Variants in PLEKHD1 observed in about 807,000 individuals in gnomAD.
PLEKHD1 encodes pleckstrin homology domain-containing family D member 1.
A neutral mutation model predicts 69.2 loss-of-function variants in PLEKHD1; 51 were observed. The ratio of observed to expected loss-of-function variants is 0.74; its 90% CI spans 0.59 to 0.93. The LOEUF is 0.93. Among genes scored for constraint, PLEKHD1 ranks in the 40% least tolerant of loss-of-function variants. The probability of loss-of-function intolerance (pLI) is 0.00; values close to 1 mark genes in which losing one functional copy is unlikely to be tolerated. For missense variants in PLEKHD1, 584 were observed against 641.0 expected, an observed-to-expected ratio of 0.91 and a Z score of 0.96; for synonymous variants, 236 against 244.7, an observed-to-expected ratio of 0.96 and a Z score of 0.33.
intron 7 of PLEKHD1, among the ~76,000 whole-genome samples, chr14:69,523,480 C>A (rs1432747775): frequency 2.0e-5 from 3 of 152,136 alleles, no homozygotes; most frequent in Admixed American, 6.6e-5. Flanking sequence ...TAGCCAAGCA[C>A]CTACTCAGCT....
At chr14:69,507,342 A>G (rs1426732824) in intron 6 of PLEKHD1, among the ~76,000 whole-genome samples, 5 of 152,104 alleles carry the variant, frequency 3.3e-5, no homozygotes, top group African/African-American at 9.6e-5. Flanking sequence ...TTGATAGCTC[A>G]TTTCTTTTCA....
At chr14:69,520,807 T>C (rs531169036) in intron 6 of PLEKHD1, among the ~76,000 whole-genome samples, 4 of 152,262 alleles carry the variant, frequency 2.6e-5, no homozygotes, top group African/African-American at 7.2e-5. Flanking sequence ...CTGGTTGCCA[T>C]GGCAGGGGGA....
chr14:69,514,779 G>C (rs1883347094), intron 6 of PLEKHD1, among the ~76,000 whole-genome samples: 1 of 151,994 alleles, frequency 6.6e-6, no homozygotes, highest in African/African-American at 2.4e-5. Context: ...TGCTTCTCAG[G>C]GCTTTCCCCC....
rs373201990 is a variant in PLEKHD1 at position 69,500,065 on chromosome 14, C to T, written c.150-50C>T. ...AGGGTGCTCTTGTTGTCCCAAGAAA[C>T]CTCACCCCTTCTCTCCTGGTTGCTT... is the stretch of plus-strand genomic sequence containing the variant. On this transcript the variant is annotated intron_variant, in intron 1 of 12. Coordinates refer to ENST00000322564, the MANE Select transcript of PLEKHD1 (RefSeq NM_001161498.2). 8.8e-4 allele frequency: 1,179 copies of T among 1,344,782 alleles called. 2 individuals carry two copies. Among genetic ancestry groups the T allele is most frequent in the Non-Finnish European group, 1.2e-3 (1,107 of 962,314 alleles). 83.3% of individuals were successfully genotyped at this position (1,344,782 alleles called of 1,614,324 possible).
At chr14:69,483,104 G>A (rs529403698), upstream of PLEKHD1, among the ~76,000 whole-genome samples, 7 of 152,186 alleles carry the variant, frequency 4.6e-5, no homozygotes, top group Admixed American at 2.6e-4. Flanking sequence ...GCCAAGCCCC[G>A]GGCCCTGTGT....
intron 1 of PLEKHD1, among the ~76,000 whole-genome samples, chr14:69,492,283 C>T (rs1319993130): frequency 2.6e-5 from 4 of 152,164 alleles, no homozygotes; most frequent in African/African-American, 9.7e-5. Flanking sequence ...TTCCAAATTC[C>T]CAAGATACTC....
At position 69,509,863 on chromosome 14, in the gene PLEKHD1, A is replaced by G. The variant is rs188975136; in HGVS notation, c.555+6984A>G. Among the ~76,000 whole-genome samples the G allele has an allele frequency of 2.4e-3, 370 of 152,074 alleles. 2 individuals are homozygous for G. The highest frequency in any genetic ancestry group is 8.6e-3 in the African/African-American group (355 of 41,480). On this transcript the variant is annotated intron_variant, in intron 6 of 12. Coordinates refer to ENST00000322564, the MANE Select transcript of PLEKHD1 (RefSeq NM_001161498.2). ...TGAGGCAGGAGAATCACTTGAACCC[A>G]GGAGGCAGAGGTTGCTGTGAGCCAA... is the stretch of plus-strand genomic sequence containing the variant.
In PLEKHD1 at chr14:69,500,314, A is replaced by G. The variant is rs1882994575; in HGVS notation, c.243+106A>G. 3.1e-6 allele frequency: 3 copies of G among 966,512 alleles called. No individual in the cohort carries two copies. In the South Asian group the frequency reaches 4.8e-5, roughly 15 times the overall value. The allele number at this position is 966,512 out of a possible 1,614,324, so 59.9% of individuals were successfully genotyped here. On this transcript the variant is annotated intron_variant, in intron 2 of 12. Coordinates refer to ENST00000322564, the MANE Select transcript of PLEKHD1 (RefSeq NM_001161498.2). ...CTGCGCTCTTGCTCTGGCCTAGCAG[A>G]GAGTCTGGAGAGCAAATCCTCTTGG...
At chr14:69,480,632 T>A (rs1882524573), upstream of PLEKHD1, among the ~76,000 whole-genome samples, 1 of 152,108 alleles carries the variant, frequency 6.6e-6, no homozygotes, top group Non-Finnish European at 1.5e-5. Context: ...GTGGGCTAAA[T>A]AATACCCTTG....
intron 6 of PLEKHD1, among the ~76,000 whole-genome samples, chr14:69,510,801 T>G (rs1883253973): frequency 1.3e-5 from 2 of 152,242 alleles, no homozygotes; most frequent in African/African-American, 4.8e-5. Context: ...TGAGAAGCAC[T>G]GGTGAGAAGG....
upstream of PLEKHD1, among the ~76,000 whole-genome samples, chr14:69,482,110 T>G (rs1378919153): frequency 6.6e-6 from 1 of 152,230 alleles, no homozygotes; most frequent in Non-Finnish European, 1.5e-5. Flanking sequence ...TCACCCAGCC[T>G]TAACTGCTAT....
At chr14:69,526,593 G>A in intron 9 of PLEKHD1, 104 bp from the exon 10 acceptor site, 1 of 1,353,352 alleles carries the variant, frequency 7.4e-7, no homozygotes, top group Non-Finnish European at 9.7e-7. Flanking sequence ...TAAAGCCTGG[G>A]ATTCAAGGTT....
chr14:69,490,321 C>G (rs768704414), intron 1 of PLEKHD1, among the ~76,000 whole-genome samples: 2 of 152,190 alleles, frequency 1.3e-5, no homozygotes, highest in African/African-American at 4.8e-5. Context: ...TTGCCATGCA[C>G]AATTTACAAA....
Position 69,527,182 on chromosome 14 carries a change from C to T in PLEKHD1, c.1057-6C>T. The stretch of plus-strand genomic sequence containing the variant: ...TTCCTTCTCATTTCCCTCTCCTCAA[C>T]CTCAGGCTGAGGTGAAGGTCCGCAT... On this transcript the variant is annotated splice_region_variant and splice_polypyrimidine_tract_variant and intron_variant, in intron 10 of 12. Coordinates refer to ENST00000322564, the MANE Select transcript of PLEKHD1 (RefSeq NM_001161498.2). 1 of 1,538,486 alleles carries T rather than the reference C, an allele frequency of 6.5e-7. No individual in the cohort carries two copies. The highest frequency in any genetic ancestry group is 2.4e-5 in the East Asian group (1 of 40,868).
chr14:69,484,179 G>A (rs1020270184), upstream of PLEKHD1, among the ~76,000 whole-genome samples: 39 of 152,206 alleles, frequency 2.6e-4, no homozygotes, highest in African/African-American at 8.4e-4. Flanking sequence ...CTCCCCATGC[G>A]GGCACTTTGG....
chr14:69,501,665 C>A (rs1440732825), intron 4 of PLEKHD1, 69 bp from the exon 5 acceptor site: 2 of 1,226,080 alleles, frequency 1.6e-6, no homozygotes, highest in Non-Finnish European at 1.1e-6. Context: ...TTCCCCTCTA[C>A]CCTTCTGTTT....
intron 6 of PLEKHD1, 121 bp downstream of exon 6, chr14:69,503,000 G>T: frequency 1.7e-6 from 2 of 1,186,140 alleles, no homozygotes; most frequent in South Asian, 2.7e-5. Flanking sequence ...GATGGGGCAG[G>T]GCGGGGAGGC....
chr14:69,487,607 C>T (rs548491470), intron 1 of PLEKHD1, among the ~76,000 whole-genome samples: 12 of 152,352 alleles, frequency 7.9e-5, no homozygotes, highest in Non-Finnish European at 1.2e-4. Flanking sequence ...CAGCTTCCAC[C>T]GCCCAAGCAG....
chr14:69,480,588 A>G (rs1373769369), upstream of PLEKHD1, among the ~76,000 whole-genome samples: 1 of 152,094 alleles, frequency 6.6e-6, no homozygotes, highest in African/African-American at 2.4e-5. Flanking sequence ...ACCATTTTCT[A>G]TTAGGCAATG....
Sources: allele counts gnomAD v4.1 joint callset (sites outside exome capture counted in the v4.1 genomes callset), GRCh38; gene constraint gnomAD v4.1.1; transcripts MANE v1.5; gene names NCBI Gene and HGNC (gene_info 2026-07-23, HGNC 2026-07-21).